TMTC1: variants seen among roughly 807,000 people sequenced by gnomAD.
TMTC1 encodes transmembrane O-mannosyltransferase targeting cadherins 1.
TMTC1 carries 73 observed loss-of-function variants against 104.8 expected under a neutral mutation model. That is an observed-to-expected ratio of 0.70 (90% CI 0.58 to 0.85). The LOEUF (loss-of-function observed/expected upper bound fraction) is 0.85, where lower values mean the gene tolerates loss of function less well. Ranked by LOEUF, TMTC1 falls within the 40% of genes least tolerant of loss-of-function variation. TMTC1 has a pLI of 0.00. For missense variants in TMTC1, 1,035 were observed against 1,096.1 expected (o/e 0.94, Z 0.79); for synonymous variants, 434 against 428.7 (o/e 1.01, Z -0.15).
In TMTC1 at chr12:29,633,286, G is replaced by A; in HGVS notation, c.989C>T (p.Ala330Val). The change falls in exon 6 of 18, where the codon GCA becomes GTA. Residue 330 changes from alanine (A) to valine (V), a missense_variant. Transcript: ENST00000539277. Reference protein sequence around the residue: ...LLAFNVWLLLAPVTLCYDWQV... With the variant: ...LLAFNVWLLLVPVTLCYDWQV... ...CCAGTCATAGCACAGGGTCACGGGTGCAAGCAGAAGCCACACATTGAAGGC... is the reference window on the plus strand; with the variant it reads ...CCAGTCATAGCACAGGGTCACGGGTACAAGCAGAAGCCACACATTGAAGGC... 6.2e-7 allele frequency: 1 copy of A among 1,613,722 alleles called. No individual in the cohort carries two copies. Among genetic ancestry groups the A allele is most frequent in the Non-Finnish European group, 8.5e-7 (1 of 1,179,758 alleles).
chr12:29,502,642 C>G lies in TMTC1; in HGVS notation c.*4204G>C, dbSNP rs1943619512. On this transcript the variant is annotated 3_prime_UTR_variant, in exon 18 of 18. Transcript: ENST00000539277. The stretch of plus-strand genomic sequence containing the variant: ...CTATTTGTAATCATGGAATGATAGC[C>G]TCAACCAACCAATTGTGCCATACAT... 1 of 152,200 alleles carries G rather than the reference C, an allele frequency of 6.6e-6. No individual in the cohort carries two copies. 9.4% of individuals were successfully genotyped at this position (152,200 alleles called of 1,614,324 possible). A position where few individuals can be genotyped will look rare whatever the true frequency, so the allele number is the denominator to read the frequency against.
chr12:29,718,109 C>T (rs1286805238), intron 5 of TMTC1, among the ~76,000 whole-genome samples: 1 of 152,026 alleles, frequency 6.6e-6, no homozygotes, highest in Non-Finnish European at 1.5e-5. Context: ...CCAAAACAAA[C>T]AAACAAACAA....
chr12:29,776,275 T>C (rs977907214), intron 1 of TMTC1, among the ~76,000 whole-genome samples: 5 of 152,156 alleles, frequency 3.3e-5, no homozygotes, highest in African/African-American at 1.2e-4. Flanking sequence ...CAGATCTTCA[T>C]TCTCTACACA....
intron 7 of TMTC1, among the ~76,000 whole-genome samples, chr12:29,593,500 T>C (rs1012303406): frequency 9.2e-5 from 14 of 152,248 alleles, no homozygotes; most frequent in African/African-American, 3.4e-4. Flanking sequence ...CCTTGTGCGC[T>C]ATTATTTGCT....
chr12:29,661,357 A>C, intron 5 of TMTC1: 1 of 980,416 alleles, frequency 1.0e-6, no homozygotes, highest in Non-Finnish European at 1.2e-6. Context: ...CCATCCACAA[A>C]ATACCTCACA....
At chr12:29,643,760 A>AGTAAAT (rs1939065064) in intron 5 of TMTC1, among the ~76,000 whole-genome samples, 1 of 21,624 alleles carries the variant, frequency 4.6e-5, no homozygotes, top group Non-Finnish European at 7.8e-5. Context: ...AAATATTTAT[A>AGTAAAT]ATACACATAT....
chr12:29,661,992 A>C (rs1398227238), intron 5 of TMTC1, among the ~76,000 whole-genome samples: 2 of 152,144 alleles, frequency 1.3e-5, no homozygotes, highest in African/African-American at 4.8e-5. Flanking sequence ...AAGATGATGA[A>C]AGGGAATCAA....
intron 5 of TMTC1, chr12:29,661,478 G>A: frequency 8.3e-6 from 2 of 240,422 alleles, no homozygotes; most frequent in Non-Finnish European, 1.3e-5. Context: ...CTGGAGTGCA[G>A]TGGTGCGATC....
intron 5 of TMTC1, among the ~76,000 whole-genome samples, chr12:29,724,473 G>A (rs1297856983): frequency 6.6e-6 from 1 of 152,060 alleles, no homozygotes; most frequent in Non-Finnish European, 1.5e-5. Context: ...ACTATTGACA[G>A]GAAAAAAGTA....
At position 29,584,516 on chromosome 12, in the gene TMTC1, T is replaced by C. The variant is rs71453747; in HGVS notation, c.1251-942A>G. Among the ~76,000 whole-genome samples the C allele has an allele frequency of 9.4e-3, 1,438 of 152,238 alleles. 18 individuals carry two copies. The highest frequency in any genetic ancestry group is 0.037 in the South Asian group (178 of 4,824). On this transcript the variant is annotated intron_variant, in intron 7 of 17. Coordinates refer to ENST00000539277, the MANE Select transcript of TMTC1 (RefSeq NM_001193451.2). ...TGCAGGTTTGTTACATATGTATACA[T>C]GTGTCACGTTGGTGTGCTGCACCCA...
chr12:29,640,352 T>C (rs535784187), intron 5 of TMTC1, among the ~76,000 whole-genome samples: 20 of 152,132 alleles, frequency 1.3e-4, no homozygotes, highest in African/African-American at 3.6e-4. Flanking sequence ...GGGGCTCACA[T>C]TGTGAATTTT....
In TMTC1 at chr12:29,740,676, C is replaced by T. The variant is rs184977348; in HGVS notation, c.938+10990G>A. ...GAGAACCCTGACTAACACAGGGTCT[C>T]TCTATGTTGCCAGGCCTTGAACTCC... On this transcript the variant is annotated intron_variant, in intron 5 of 17. Transcript: ENST00000539277. Among the ~76,000 whole-genome samples the T allele has an allele frequency of 5.3e-5, 8 of 152,298 alleles. No individual in the cohort carries two copies. In the East Asian group the frequency reaches 1.5e-3, roughly 29 times the overall value.
chr12:29,625,516 G>T (rs146252661), intron 6 of TMTC1, among the ~76,000 whole-genome samples: 2 of 152,290 alleles, frequency 1.3e-5, no homozygotes, highest in East Asian at 3.9e-4. Context: ...CTAGTTAAAC[G>T]GTTGCAAAGA....
intron 9 of TMTC1, among the ~76,000 whole-genome samples, chr12:29,558,034 G>T (rs928064329): frequency 2.4e-4 from 36 of 152,296 alleles, no homozygotes; most frequent in African/African-American, 8.4e-4. Flanking sequence ...ATGTAAAAGA[G>T]GATGAGGTGG....
intron 11 of TMTC1, among the ~76,000 whole-genome samples, chr12:29,530,413 C>A (rs1343039602): frequency 6.6e-6 from 1 of 152,178 alleles, no homozygotes; most frequent in Admixed American, 6.5e-5. Flanking sequence ...AACTGACCAG[C>A]ATTTCTTCCT....
chr12:29,638,522 T>C (rs1972681), intron 5 of TMTC1, among the ~76,000 whole-genome samples: 33,145 of 151,908 alleles, frequency 0.22, 4,088 homozygotes, highest in African/African-American at 0.35. Context: ...GGGCAAGAAC[T>C]CAGGATACAG....
intron 6 of TMTC1, chr12:29,613,896 C>T: frequency 1.0e-6 from 1 of 959,932 alleles, no homozygotes; most frequent in Non-Finnish European, 1.2e-6. Context: ...TTTCACAAAG[C>T]AAGTCACACT....
intron 5 of TMTC1, among the ~76,000 whole-genome samples, chr12:29,644,109 A>G (rs867277904): frequency 0.05 from 2,295 of 45,652 alleles, 91 homozygotes; most frequent in Admixed American, 0.08. Context: ...ATATAAATAT[A>G]TATGTGTGTG....
intron 10 of TMTC1, among the ~76,000 whole-genome samples, chr12:29,539,115 G>C (rs1944724115): frequency 6.6e-6 from 1 of 152,164 alleles, no homozygotes; most frequent in Admixed American, 6.5e-5. Context: ...CCCTTGGTGG[G>C]AGCTTATGAA....
Sources: gnomAD v4.1 joint callset for allele counts (sites outside exome capture counted in the v4.1 genomes callset) on GRCh38, gnomAD v4.1.1 for gene constraint, MANE v1.5 for transcripts, NCBI Gene and HGNC (gene_info 2026-07-23, HGNC 2026-07-21) for gene names.